SWT1: variants seen among roughly 807,000 people sequenced by gnomAD.
SWT1 encodes the protein SWT1 RNA endoribonuclease homolog.
A neutral mutation model predicts 107.3 loss-of-function variants in SWT1; 33 were observed. The ratio of observed to expected loss-of-function variants is 0.31; its 90% CI spans 0.23 to 0.41. SWT1 has a LOEUF of 0.41. SWT1 is among the 10% of genes least tolerant of loss of function. SWT1 has a pLI of 1.00. For synonymous variants in SWT1, 345 were observed against 348.3 expected (o/e 0.99, Z 0.11); for missense variants, 898 against 1,028.9 (o/e 0.87, Z 1.74).
chr1:185,195,457 A>C (rs547266007), intron 10 of SWT1, among the ~76,000 whole-genome samples: 5 of 152,322 alleles, frequency 3.3e-5, no homozygotes, highest in Non-Finnish European at 7.3e-5. Flanking sequence ...CGCAATAAAC[A>C]TATGTGTGCA....
At chr1:185,261,660 C>G (rs534459710) in intron 16 of SWT1, among the ~76,000 whole-genome samples, 1 of 132,668 alleles carries the variant, frequency 7.5e-6, no homozygotes, top group Non-Finnish European at 1.6e-5. Context: ...TCACCAATGC[C>G]TGTGATTTTC....
chr1:185,240,757 GC>G (rs1265363034), intron 16 of SWT1, among the ~76,000 whole-genome samples: 1 of 151,990 alleles, frequency 6.6e-6, no homozygotes, highest in Non-Finnish European at 1.5e-5. Context: ...ACTTTAGACA[GC>G]TATTTTTCTA....
intron 10 of SWT1, among the ~76,000 whole-genome samples, chr1:185,200,774 C>G (rs1010903570): frequency 6.6e-6 from 1 of 152,202 alleles, no homozygotes; most frequent in African/African-American, 2.4e-5. Flanking sequence ...AGAGCTCGAG[C>G]GCTGTGCTGG....
chr1:185,260,363 T>C (rs1662936941), intron 16 of SWT1, among the ~76,000 whole-genome samples: 1 of 152,076 alleles, frequency 6.6e-6, no homozygotes, highest in African/African-American at 2.4e-5. Context: ...GTAGATAAAT[T>C]AGTCCAGTTT....
intron 15 of SWT1, among the ~76,000 whole-genome samples, chr1:185,230,479 A>C (rs753909960): frequency 3.3e-5 from 5 of 152,070 alleles, no homozygotes; most frequent in African/African-American, 4.8e-5. Context: ...CTTCACATGG[A>C]GTAGGGCCCA....
intron 15 of SWT1, 26 bp downstream of exon 15, chr1:185,222,062 T>C: frequency 2.1e-6 from 3 of 1,417,646 alleles, no homozygotes; most frequent in Non-Finnish European, 2.8e-6. Flanking sequence ...GAATTTTTTT[T>C]TAGTTATTTT....
chr1:185,229,459 T>C (rs1660340174), intron 15 of SWT1, among the ~76,000 whole-genome samples: 1 of 152,052 alleles, frequency 6.6e-6, no homozygotes, highest in African/African-American at 2.4e-5. Flanking sequence ...GGAAGAACTT[T>C]TAGTGTCCTC....
At chr1:185,191,740 C>T (rs944973353) in intron 10 of SWT1, among the ~76,000 whole-genome samples, 1 of 151,936 alleles carries the variant, frequency 6.6e-6, no homozygotes, top group Non-Finnish European at 1.5e-5. Context: ...GAGATAAATT[C>T]GAGAAGTAAT....
rs765717246 is a variant in SWT1, at chr1:185,181,931, T to G, written c.1027-15T>G. 3.1e-6 allele frequency: 5 copies of G among 1,613,372 alleles called. No individual in the cohort carries two copies. The highest frequency in any genetic ancestry group is 4.2e-6 in the Non-Finnish European group (5 of 1,179,706). ...AGTAACTCAAAATATTTCACTGGGG[T>G]CTTTTACACTTTAGATGCAGATAGT... On this transcript the variant is annotated splice_polypyrimidine_tract_variant and intron_variant, in intron 6 of 18. Transcript: ENST00000367500.
intron 11 of SWT1, 87 bp from the exon 12 acceptor site, chr1:185,204,613 G>A (rs1658162858): frequency 1.2e-5 from 7 of 566,828 alleles, no homozygotes; most frequent in Non-Finnish European, 2.0e-5. Context: ...TACATAAAAT[G>A]TTTACTGTTT....
intron 12 of SWT1, among the ~76,000 whole-genome samples, 162 bp downstream of exon 12, chr1:185,205,025 G>T (rs1037782131): frequency 2.6e-5 from 4 of 152,052 alleles, no homozygotes; most frequent in Non-Finnish European, 4.4e-5. Context: ...ACAGTTAAAT[G>T]ATGGACATTT....
intron 13 of SWT1, among the ~76,000 whole-genome samples, chr1:185,210,123 T>C (rs1658666005): frequency 6.6e-6 from 1 of 152,188 alleles, no homozygotes; most frequent in South Asian, 2.1e-4. Context: ...GTATATTAGC[T>C]GTTTGTCAGA....
chr1:185,242,421 A>G (rs1405954315), intron 16 of SWT1, among the ~76,000 whole-genome samples: 1 of 152,120 alleles, frequency 6.6e-6, no homozygotes, highest in African/African-American at 2.4e-5. Context: ...TTACATATCT[A>G]AAACTCTTAT....
At chr1:185,272,560 C>T (rs531533524) in intron 17 of SWT1, among the ~76,000 whole-genome samples, 25 of 152,266 alleles carry the variant, frequency 1.6e-4, no homozygotes, top group South Asian at 1.2e-3. Context: ...TCAAACTACC[C>T]GTGCTTAAAT....
At chr1:185,250,341 C>G (rs1337239133) in intron 16 of SWT1, among the ~76,000 whole-genome samples, 5 of 152,172 alleles carry the variant, frequency 3.3e-5, no homozygotes, top group Admixed American at 2.6e-4. Flanking sequence ...CTAAGAGGCA[C>G]TTTAGCTCTT....
intron 16 of SWT1, among the ~76,000 whole-genome samples, chr1:185,270,552 T>A (rs1010097448): frequency 2.0e-5 from 3 of 152,020 alleles, no homozygotes; most frequent in East Asian, 3.9e-4. Flanking sequence ...AATAATTTTT[T>A]AAAATATTAG....
At chr1:185,259,029 C>T (rs1415931962) in intron 16 of SWT1, among the ~76,000 whole-genome samples, 1 of 152,018 alleles carries the variant, frequency 6.6e-6, no homozygotes, top group East Asian at 1.9e-4. Context: ...TGAATAATTT[C>T]CTCAGACTTA....
chr1:185,234,985 A>G (rs960631133), intron 16 of SWT1, among the ~76,000 whole-genome samples: 3 of 152,228 alleles, frequency 2.0e-5, no homozygotes, highest in South Asian at 2.1e-4. Context: ...ATTTCTGGAC[A>G]CATACACCCT....
intron 17 of SWT1, among the ~76,000 whole-genome samples, chr1:185,272,848 C>A (rs1663970168): frequency 6.6e-6 from 1 of 151,870 alleles, no homozygotes; most frequent in Non-Finnish European, 1.5e-5. Context: ...CCAGTCTGGG[C>A]AACACAGTGA....
Sources: gnomAD v4.1 joint callset for allele counts (sites outside exome capture counted in the v4.1 genomes callset) on GRCh38, gnomAD v4.1.1 for gene constraint, MANE v1.5 for transcripts, NCBI Gene and HGNC (gene_info 2026-07-23, HGNC 2026-07-21) for gene names.